The following MORC1 variants were observed in gnomAD, a reference collection of about 807,000 sequenced individuals.
The protein encoded by MORC1 is MORC family CW-type zinc finger 1, also known as MORC family CW-type zinc finger protein 1.
MORC1 carries 59 observed loss-of-function variants against 134.9 expected under a neutral mutation model. The observed-to-expected ratio is 0.44, with a 90% CI of 0.35 to 0.54. MORC1 has a LOEUF of 0.54. Ranked by LOEUF, MORC1 falls within the 20% of genes least tolerant of loss-of-function variation. The pLI, the probability that MORC1 is intolerant of heterozygous loss-of-function variation, is 0.00. For missense variants in MORC1, 947 were observed against 1,134.5 expected (o/e 0.83, Z 2.37); for synonymous variants, 395 against 391.7 (o/e 1.01, Z -0.10).
At chr3:109,104,007 C>A in intron 3 of MORC1, 90 bp from the exon 4 acceptor site, 1 of 1,168,056 alleles carries the variant, frequency 8.6e-7, no homozygotes, top group Non-Finnish European at 1.3e-6. Flanking sequence ...TCGTCTTCCT[C>A]CAATGCAGCC....
At chr3:109,064,059 G>A (rs1285978633) in intron 9 of MORC1, among the ~76,000 whole-genome samples, 2 of 151,936 alleles carry the variant, frequency 1.3e-5, no homozygotes, top group Non-Finnish European at 2.9e-5. Flanking sequence ...ATTTAACAAT[G>A]ACAAAGTCTC....
At chr3:108,978,882 G>A (rs1199751524) in intron 24 of MORC1, among the ~76,000 whole-genome samples, 1 of 152,070 alleles carries the variant, frequency 6.6e-6, no homozygotes, top group African/African-American at 2.4e-5. Context: ...CATTAATTTA[G>A]TGGTGCTACC....
At chr3:109,065,037 C>T (rs953762713) in intron 9 of MORC1, among the ~76,000 whole-genome samples, 1 of 152,162 alleles carries the variant, frequency 6.6e-6, no homozygotes, top group Non-Finnish European at 1.5e-5. Flanking sequence ...ACCTTCACAA[C>T]ATATCTGTAA....
rs78197002 is a variant in MORC1 at position 108,976,210 on chromosome 3, A to C, written c.2477+3305T>G. Among the ~76,000 whole-genome samples, 296 of 152,300 alleles carry C rather than the reference A, an allele frequency of 1.9e-3. 6 individuals carry two copies. The East Asian group carries it at 0.045, about 23-fold the overall frequency. On this transcript the variant is annotated intron_variant, in intron 24 of 27. Transcript: ENST00000232603. ...ATTAATTACACAGAGATGGCCAGAC[A>C]CTACCTTGGCATTGTGGAAATTGAT... is the stretch of plus-strand genomic sequence containing the variant.
At chr3:109,055,776 C>T (rs13087474) in intron 13 of MORC1, among the ~76,000 whole-genome samples, 8 of 152,032 alleles carry the variant, frequency 5.3e-5, no homozygotes, top group Admixed American at 3.9e-4. Flanking sequence ...TCTCTTTTAC[C>T]GAAGGGTGGC....
At chr3:109,066,386 A>C (rs1950196896) in intron 9 of MORC1, among the ~76,000 whole-genome samples, 1 of 150,536 alleles carries the variant, frequency 6.6e-6, no homozygotes, top group African/African-American at 2.5e-5. Context: ...CCTGGGTTCA[A>C]GTGAGTCTCC....
intron 24 of MORC1, among the ~76,000 whole-genome samples, chr3:108,979,047 T>A (rs1576589338): frequency 6.6e-6 from 1 of 152,244 alleles, no homozygotes. Flanking sequence ...TCTCCATCCT[T>A]TGAGAAATGA....
In MORC1 at chr3:109,072,701, G is replaced by A. The variant is rs554574480; in HGVS notation, c.690-2944C>T. 7.2e-5 allele frequency among the ~76,000 whole-genome samples: 11 copies of A among 152,156 alleles called. No individual in the cohort carries two copies. The South Asian group carries it at 1.0e-3, about 14-fold the overall frequency. On this transcript the variant is annotated intron_variant, in intron 8 of 27. Transcript: ENST00000232603. ...AAGGGAGATAAAAACATGCTAAATC[G>A]TCAGGATATCTTCAGAAGATGAAAG...
chr3:109,094,392 A>C (rs1004012420), intron 7 of MORC1, among the ~76,000 whole-genome samples: 1 of 152,236 alleles, frequency 6.6e-6, no homozygotes, highest in African/African-American at 2.4e-5. Context: ...ATCCTGGATC[A>C]ACTGTGCCAG....
chr3:109,023,452 C>T (rs560209185), intron 17 of MORC1, among the ~76,000 whole-genome samples: 3 of 152,304 alleles, frequency 2.0e-5, no homozygotes, highest in Non-Finnish European at 4.4e-5. Context: ...TATGCAAATA[C>T]ACTACTCATT....
intron 13 of MORC1, among the ~76,000 whole-genome samples, chr3:109,055,483 T>C (rs1230634483): frequency 1.3e-5 from 2 of 152,182 alleles, no homozygotes; most frequent in Non-Finnish European, 2.9e-5. Context: ...AGCCTCACAA[T>C]TTGGGGTCCC....
In MORC1 at chr3:109,057,473, C is replaced by A; in HGVS notation, c.1045G>T (p.Ala349Ser). 1 of 1,596,244 alleles carries A rather than the reference C, an allele frequency of 6.3e-7. No homozygotes were observed. The highest frequency in any genetic ancestry group is 8.5e-7 in the Non-Finnish European group (1 of 1,172,870). ...CCATAGAACAGGGAGAGCGTTCTTG[C>A]TGTTTTTAATTCTCTAGAGTTACAT... ...LKEKQRELKT[A>S]RTLSLFYGVN... Residue 349 changes from alanine (A) to serine (S), a missense_variant, in exon 13 of 28, where the codon GCA (alanine) becomes TCA (serine). Physicochemically the swap from Ala to Ser is moderately conservative, Grantham distance 99 (BLOSUM62 1). Coordinates refer to ENST00000232603, the MANE Select transcript of MORC1 (RefSeq NM_014429.4).
intron 17 of MORC1, among the ~76,000 whole-genome samples, chr3:109,020,341 G>T (rs1173261631): frequency 6.6e-6 from 1 of 152,204 alleles, no homozygotes; most frequent in Non-Finnish European, 1.5e-5. Context: ...ACGTCAGTTA[G>T]TTCTTCAGGA....
At chr3:109,026,147 C>T (rs1184932756) in intron 17 of MORC1, among the ~76,000 whole-genome samples, 8 of 152,104 alleles carry the variant, frequency 5.3e-5, no homozygotes, top group Admixed American at 1.3e-4. Flanking sequence ...CAGTTACAAG[C>T]CCTGAGTACC....
chr3:108,987,234 T>C (rs918292410), intron 21 of MORC1, among the ~76,000 whole-genome samples: 3 of 152,200 alleles, frequency 2.0e-5, no homozygotes, highest in African/African-American at 7.2e-5. Context: ...TAAAAATTGA[T>C]ATTACACATT....
Position 108,958,290 on chromosome 3 carries a change from A to T in MORC1, c.*675T>A, listed in dbSNP as rs1235733085. On this transcript the variant is annotated 3_prime_UTR_variant, in exon 28 of 28. Transcript: ENST00000232603. ...ACTGTTTTTGTCTAAAGTTTCAGAC[A>T]TTTCTAAACAAAAAAAAAACACTTA... 6.6e-6 allele frequency: 1 copy of T among 151,886 alleles called. No individual in the cohort carries two copies. The highest frequency in any genetic ancestry group is 1.5e-5 in the Non-Finnish European group (1 of 67,908). 9.4% of individuals were successfully genotyped at this position (151,886 alleles called of 1,614,324 possible).
chr3:109,050,024 C>A (rs923755777), intron 14 of MORC1, among the ~76,000 whole-genome samples: 8 of 152,040 alleles, frequency 5.3e-5, no homozygotes, highest in Non-Finnish European at 1.2e-4. Flanking sequence ...GGGGGGGCTG[C>A]CATTTGGAAA....
At chr3:108,965,316 G>A (rs1362039188) in intron 26 of MORC1, among the ~76,000 whole-genome samples, 1 of 152,148 alleles carries the variant, frequency 6.6e-6, no homozygotes, top group African/African-American at 2.4e-5. Flanking sequence ...CAATAGTATT[G>A]CTAATCAGCC....
chr3:108,982,554 A>G (rs1947758331), intron 23 of MORC1, among the ~76,000 whole-genome samples: 1 of 145,130 alleles, frequency 6.9e-6, no homozygotes, highest in Non-Finnish European at 1.5e-5. Flanking sequence ...CAGGGTGGGG[A>G]ACATCACACA....
Sources: allele counts gnomAD v4.1 joint callset (sites outside exome capture counted in the v4.1 genomes callset), GRCh38; gene constraint gnomAD v4.1.1; transcripts MANE v1.5; gene names NCBI Gene and HGNC (gene_info 2026-07-23, HGNC 2026-07-21).